The following CADPS variants were observed in gnomAD, a reference collection of about 807,000 sequenced individuals.
CADPS encodes the protein calcium-dependent secretion activator 1.
A neutral mutation model predicts 167.3 loss-of-function variants in CADPS; 57 were observed. The ratio of observed to expected loss-of-function variants is 0.34; its 90% CI spans 0.28 to 0.42. The LOEUF is 0.42. CADPS is among the 20% of genes least tolerant of loss of function. The pLI is 1.00. For synonymous variants in CADPS, 676 were observed against 635.3 expected, an observed-to-expected ratio of 1.06 and a Z score of -0.96; for missense variants, 1,414 against 1,738.1, an observed-to-expected ratio of 0.81 and a Z score of 3.32.
intron 1 of CADPS, among the ~76,000 whole-genome samples, chr3:62,836,631 G>T (rs535265212): frequency 6.6e-6 from 1 of 152,178 alleles, no homozygotes; most frequent in Non-Finnish European, 1.5e-5. Context: ...AATCAATGGG[G>T]CTGTAGTAAA....
intron 17 of CADPS, among the ~76,000 whole-genome samples, chr3:62,502,101 T>C (rs774802496): frequency 1.3e-5 from 2 of 152,246 alleles, no homozygotes; most frequent in Non-Finnish European, 2.9e-5. Flanking sequence ...GATTCCATCA[T>C]CTGTAGATCA....
chr3:62,747,492 A>G (rs1486040811), intron 3 of CADPS, among the ~76,000 whole-genome samples: 1 of 152,220 alleles, frequency 6.6e-6, no homozygotes, highest in African/African-American at 2.4e-5. Context: ...AGAGTCTAAT[A>G]AACTATCTGA....
chr3:62,450,160 A>G (rs2057827929), intron 26 of CADPS, among the ~76,000 whole-genome samples: 2 of 152,186 alleles, frequency 1.3e-5, no homozygotes, highest in East Asian at 1.9e-4. Context: ...TCCCCAGGTT[A>G]CCAACAGGTA....
intron 21 of CADPS, among the ~76,000 whole-genome samples, chr3:62,490,371 T>A (rs2063506060): frequency 1.3e-5 from 2 of 151,980 alleles, no homozygotes; most frequent in Admixed American, 1.3e-4. Context: ...TTACTGGAGC[T>A]TTTCAAACCA....
rs532616440 is a variant in CADPS, at chr3:62,822,596, C to G, written c.441+51993G>C. ...GTGGCTCACGCCTGTAATCCCAACACTTTGGGAGGCCGAGACGGGTGGATC... is the reference window on the plus strand; with the variant it reads ...GTGGCTCACGCCTGTAATCCCAACAGTTTGGGAGGCCGAGACGGGTGGATC... On this transcript the variant is annotated intron_variant, in intron 1 of 29. Transcript: ENST00000383710. Among the ~76,000 whole-genome samples the G allele has an allele frequency of 4.6e-5, 7 of 152,322 alleles. No individual in the cohort carries two copies. In the South Asian group the frequency reaches 8.3e-4, roughly 18 times the overall value.
intron 8 of CADPS, among the ~76,000 whole-genome samples, chr3:62,571,616 G>C (rs1315544639): frequency 6.6e-6 from 1 of 151,740 alleles, no homozygotes; most frequent in Non-Finnish European, 1.5e-5. Context: ...CCAGGCGGGA[G>C]TGCAATGGTG....
intron 13 of CADPS, among the ~76,000 whole-genome samples, chr3:62,520,763 A>T (rs1358963796): frequency 1.3e-5 from 2 of 152,332 alleles, no homozygotes; most frequent in East Asian, 3.9e-4. Flanking sequence ...AAAGTGAGGA[A>T]AAGACATGCA....
intron 3 of CADPS, among the ~76,000 whole-genome samples, chr3:62,748,168 CAAAAAAAAAAAAAAAAA>C (rs139568165): frequency 1.4e-4 from 9 of 63,198 alleles, no homozygotes; most frequent in African/African-American, 2.8e-4. Context: ...ACTAAAATTA[CAAAAAAAAAAAAAAAAA>C]AAAAAAAAAA....
At chr3:62,735,888 G>C (rs1184775382) in intron 3 of CADPS, among the ~76,000 whole-genome samples, 1 of 152,130 alleles carries the variant, frequency 6.6e-6, no homozygotes. Flanking sequence ...ACTAGCTCAG[G>C]CTTTTACATC....
intron 7 of CADPS, among the ~76,000 whole-genome samples, chr3:62,586,531 G>C (rs1468225615): frequency 1.3e-5 from 2 of 152,208 alleles, no homozygotes; most frequent in African/African-American, 4.8e-5. Flanking sequence ...AGCCCACTTA[G>C]ATGTGCTTCA....
In CADPS at chr3:62,487,352, G is replaced by A. The variant is rs1246821229; in HGVS notation, c.3026+3987C>T. Among the ~76,000 whole-genome samples, 4 of 152,198 alleles carry A rather than the reference G, an allele frequency of 2.6e-5. No individual in the cohort carries two copies. In the East Asian group the frequency reaches 7.7e-4, roughly 29 times the overall value. On this transcript the variant is annotated intron_variant, in intron 21 of 29. Transcript: ENST00000383710. ...ACACTGAAGAGCTGATGGAAATGTT[G>A]TCCATTTCTTGTTAGGACCAAAACC...
chr3:62,600,254 C>T (rs1046690595), intron 6 of CADPS, among the ~76,000 whole-genome samples: 11 of 151,394 alleles, frequency 7.3e-5, no homozygotes, highest in African/African-American at 2.2e-4. Context: ...GGGAGCAAGG[C>T]GTCAATCCAT....
chr3:62,414,060 C>T (rs1342829505), intron 28 of CADPS, among the ~76,000 whole-genome samples: 3 of 152,200 alleles, frequency 2.0e-5, no homozygotes, highest in East Asian at 1.9e-4. Flanking sequence ...TTAAAACATG[C>T]CACGGGGCCA....
chr3:62,515,158 T>C (rs1324159868), intron 16 of CADPS, among the ~76,000 whole-genome samples: 1 of 152,098 alleles, frequency 6.6e-6, no homozygotes. Context: ...CCCAGTTGTC[T>C]TGAGGCAGAC....
intron 26 of CADPS, among the ~76,000 whole-genome samples, chr3:62,447,670 T>C (rs2057423553): frequency 6.6e-6 from 1 of 152,182 alleles, no homozygotes; most frequent in Non-Finnish European, 1.5e-5. Flanking sequence ...GCCACGTCAC[T>C]GATCAGTCTG....
intron 13 of CADPS, among the ~76,000 whole-genome samples, chr3:62,519,300 GC>G (rs1410825986): frequency 6.6e-6 from 1 of 152,112 alleles, no homozygotes; most frequent in Non-Finnish European, 1.5e-5. Flanking sequence ...TTATTTATAG[GC>G]CTTCTCAAGG....
chr3:62,811,016 G>T (rs304225), intron 1 of CADPS, among the ~76,000 whole-genome samples: 130,050 of 152,244 alleles, frequency 0.85, 56,219 homozygotes, highest in South Asian at 0.96. Context: ...GTAGTTTATG[G>T]AACCAGACTC....
intron 21 of CADPS, 132 bp downstream of exon 21, chr3:62,491,207 T>A (rs891049595): frequency 1.9e-6 from 2 of 1,050,574 alleles, no homozygotes; most frequent in Non-Finnish European, 2.8e-6. Flanking sequence ...AGCATCATAG[T>A]AGAAGAAATG....
At chr3:62,470,418 C>A (rs2060449757) in intron 24 of CADPS, among the ~76,000 whole-genome samples, 1 of 152,196 alleles carries the variant, frequency 6.6e-6, no homozygotes, top group South Asian at 2.1e-4. Flanking sequence ...CAGGATGTTT[C>A]CAGATATTCT....
Sources: allele counts gnomAD v4.1 joint callset (sites outside exome capture counted in the v4.1 genomes callset), GRCh38; gene constraint gnomAD v4.1.1; transcripts MANE v1.5; gene names NCBI Gene and HGNC (gene_info 2026-07-23, HGNC 2026-07-21).